The following MAP3K9 variants were observed in gnomAD, a reference collection of about 807,000 sequenced individuals.
The protein encoded by MAP3K9 is mitogen-activated protein kinase kinase kinase 9.
In MAP3K9, 46 loss-of-function variants were observed where a neutral mutation model predicts 95.8. The ratio of observed to expected loss-of-function variants is 0.48; its 90% CI spans 0.38 to 0.61. MAP3K9 has a LOEUF of 0.61. Among genes scored for constraint, MAP3K9 ranks in the 20% least tolerant of loss-of-function variants. The pLI is 0.00. For synonymous variants in MAP3K9, 533 were observed against 593.8 expected, an observed-to-expected ratio of 0.90 and a Z score of 1.49; for missense variants, 1,296 against 1,474.3, an observed-to-expected ratio of 0.88 and a Z score of 1.98.
chr14:70,803,337 TAAAAAAAAA>T (rs10583563), intron 1 of MAP3K9, among the ~76,000 whole-genome samples: 1 of 75,200 alleles, frequency 1.3e-5, no homozygotes, highest in Non-Finnish European at 2.4e-5. Flanking sequence ...ATTCAGATCT[TAAAAAAAAA>T]AAAAAAAAAA....
At chr14:70,735,892 G>C (rs1040800800) in intron 9 of MAP3K9, 69 bp downstream of exon 9, 4 of 1,212,024 alleles carry the variant, frequency 3.3e-6, no homozygotes, top group African/African-American at 1.5e-5. Flanking sequence ...GGGGTATGCT[G>C]TAAGAACAAG....
At chr14:70,794,445 C>T (rs1407335442) in intron 2 of MAP3K9, among the ~76,000 whole-genome samples, 1 of 152,064 alleles carries the variant, frequency 6.6e-6, no homozygotes, top group Non-Finnish European at 1.5e-5. Flanking sequence ...CTAGGCCACA[C>T]AGAACAACAA....
intron 2 of MAP3K9, among the ~76,000 whole-genome samples, chr14:70,785,716 C>T (rs1184527330): frequency 6.6e-6 from 1 of 152,096 alleles, no homozygotes; most frequent in East Asian, 1.9e-4. Context: ...GATGTCAGGA[C>T]AGACCATGTG....
chr14:70,809,365 G>T lies in MAP3K9; in HGVS notation c.-194C>A. ...GCGGTACGAGAAGAGCGCCGAGCGC[G>T]AGCTCTTCGCGCAGCCTAGGGGCGC... On this transcript the variant is annotated 5_prime_UTR_variant, in exon 1 of 12. Transcript: ENST00000554752. 1 of 654,182 alleles carries T rather than the reference G, an allele frequency of 1.5e-6. No individual in the cohort carries two copies. Among genetic ancestry groups the T allele is most frequent in the Non-Finnish European group, 2.2e-6 (1 of 462,490 alleles). 40.5% of individuals were successfully genotyped at this position (654,182 alleles called of 1,614,324 possible).
intron 2 of MAP3K9, among the ~76,000 whole-genome samples, chr14:70,792,840 T>C (rs904097464): frequency 6.6e-6 from 1 of 152,232 alleles, no homozygotes; most frequent in Admixed American, 6.5e-5. Flanking sequence ...GGGCTTAGAA[T>C]GTTAGAGCCT....
intron 2 of MAP3K9, among the ~76,000 whole-genome samples, chr14:70,763,245 T>C (rs1447440144): frequency 3.3e-5 from 5 of 152,210 alleles, no homozygotes; most frequent in Admixed American, 1.3e-4. Context: ...TGTCGAGCAA[T>C]GGCAAAAACA....
intron 9 of MAP3K9, among the ~76,000 whole-genome samples, chr14:70,735,366 CTTTT>C (rs10716151): frequency 8.8e-4 from 124 of 140,134 alleles, no homozygotes; most frequent in African/African-American, 3.0e-3. Context: ...CAGAGTGGCT[CTTTT>C]TTTTTTTTTT....
intron 2 of MAP3K9, among the ~76,000 whole-genome samples, chr14:70,798,635 C>T (rs1489391634): frequency 6.6e-5 from 10 of 151,032 alleles, no homozygotes; most frequent in South Asian, 2.1e-4. Flanking sequence ...CCCGCCACTA[C>T]GCCCGGCTAA....
intron 6 of MAP3K9, among the ~76,000 whole-genome samples, chr14:70,740,481 A>G (rs1414981652): frequency 6.6e-6 from 1 of 152,208 alleles, no homozygotes; most frequent in East Asian, 1.9e-4. Context: ...GATGTTGTTG[A>G]TTATTCTAGG....
chr14:70,772,615 T>C (rs1246348865), intron 2 of MAP3K9, among the ~76,000 whole-genome samples: 1 of 152,160 alleles, frequency 6.6e-6, no homozygotes, highest in African/African-American at 2.4e-5. Context: ...TGGAGTCCCC[T>C]GAGAAGCTAC....
intron 2 of MAP3K9, among the ~76,000 whole-genome samples, chr14:70,797,088 T>G (rs1227434033): frequency 1.3e-5 from 2 of 152,196 alleles, no homozygotes; most frequent in African/African-American, 4.8e-5. Flanking sequence ...TAAGACACTT[T>G]TTACTGAACC....
rs2055039428 is a variant in MAP3K9 at position 70,809,260 on chromosome 14, GA to G, written c.-90del. The G allele has an allele frequency of 8.0e-7, 1 of 1,248,098 alleles. No homozygotes were observed. The highest frequency in any genetic ancestry group is 3.5e-5 in the South Asian group (1 of 28,514). The allele number at this position is 1,248,098 out of a possible 1,614,324, so 77.3% of individuals were successfully genotyped here. A position where few individuals can be genotyped will look rare whatever the true frequency, so the allele number is the denominator to read the frequency against. ...TCATGCGCCTCCGCAGAGCTGGGAG[GA>G]CCCCCCCCCAACGACGGCGGCCGCA... On this transcript the variant is annotated 5_prime_UTR_variant, in exon 1 of 12. Coordinates refer to ENST00000554752, the MANE Select transcript of MAP3K9 (RefSeq NM_001284230.2).
chr14:70,773,128 C>G, intron 2 of MAP3K9, among the ~76,000 whole-genome samples: 1 of 152,222 alleles, frequency 6.6e-6, no homozygotes, highest in East Asian at 1.9e-4. Context: ...ACCCTCTCCC[C>G]AAGGGAACCA....
intron 11 of MAP3K9, 135 bp from the exon 12 acceptor site, chr14:70,730,999 C>T: frequency 1.0e-6 from 1 of 985,216 alleles, no homozygotes; most frequent in Non-Finnish European, 1.5e-6. Flanking sequence ...TTGTGGAGCA[C>T]CTACTGGGAG....
At chr14:70,767,099 C>G (rs8005459) in intron 2 of MAP3K9, among the ~76,000 whole-genome samples, 83,914 of 151,872 alleles carry the variant, frequency 0.55, 23,283 homozygotes, top group Middle Eastern at 0.66. Context: ...AAGAACTCAT[C>G]CCGGCTGGGT....
chr14:70,787,448 C>T (rs1477388425), intron 2 of MAP3K9, among the ~76,000 whole-genome samples: 2 of 150,164 alleles, frequency 1.3e-5, no homozygotes, highest in Non-Finnish European at 2.9e-5. Flanking sequence ...GCAGAGGTTG[C>T]AGCAAGCCGA....
At chr14:70,789,746 G>C (rs1229219860) in intron 2 of MAP3K9, among the ~76,000 whole-genome samples, 1 of 152,164 alleles carries the variant, frequency 6.6e-6, no homozygotes, top group African/African-American at 2.4e-5. Context: ...CCTATAGAGA[G>C]CAAAAACTTT....
At chr14:70,768,119 T>G (rs556862788) in intron 2 of MAP3K9, among the ~76,000 whole-genome samples, 3 of 152,158 alleles carry the variant, frequency 2.0e-5, no homozygotes, top group Non-Finnish European at 2.9e-5. Context: ...GTCAAAATAA[T>G]TTAATTGTAC....
intron 2 of MAP3K9, among the ~76,000 whole-genome samples, chr14:70,782,622 C>T (rs1465192685): frequency 6.6e-6 from 1 of 152,200 alleles, no homozygotes; most frequent in Admixed American, 6.5e-5. Context: ...TTCAACCTCT[C>T]CATGTAAGAG....
Sources: allele counts gnomAD v4.1 joint callset (sites outside exome capture counted in the v4.1 genomes callset), GRCh38; gene constraint gnomAD v4.1.1; transcripts MANE v1.5; gene names NCBI Gene and HGNC (gene_info 2026-07-23, HGNC 2026-07-21).